Variants in ANKS1B observed in about 807,000 individuals in gnomAD.
The protein encoded by ANKS1B is ankyrin repeat and sterile alpha motif domain-containing protein 1B.
In ANKS1B, 36 loss-of-function variants were observed where a neutral mutation model predicts 148.3. The observed-to-expected ratio is 0.24, with a 90% CI of 0.19 to 0.32. The LOEUF (loss-of-function observed/expected upper bound fraction) is 0.32. Ranked by LOEUF, ANKS1B falls within the 10% of genes least tolerant of loss-of-function variation. The pLI is 1.00. For missense variants in ANKS1B, 1,157 were observed against 1,542.6 expected (o/e 0.75, Z 4.19); for synonymous variants, 542 against 560.8 (o/e 0.97, Z 0.47).
chr12:99,028,860 A>C (rs2099950359), intron 17 of ANKS1B, among the ~76,000 whole-genome samples: 1 of 152,184 alleles, frequency 6.6e-6, no homozygotes, highest in Non-Finnish European at 1.5e-5. Flanking sequence ...TATGAACTTC[A>C]ATGGTTTTTA....
chr12:99,862,527 TA>T, intron 1 of ANKS1B, among the ~76,000 whole-genome samples: 1 of 152,356 alleles, frequency 6.6e-6, no homozygotes, highest in South Asian at 2.1e-4. Flanking sequence ...GCAAGGCAAA[TA>T]TGTTCTTAAA....
chr12:99,678,114 A>G (rs1000749788), intron 8 of ANKS1B, among the ~76,000 whole-genome samples: 3 of 152,250 alleles, frequency 2.0e-5, no homozygotes, highest in Non-Finnish European at 4.4e-5. Context: ...AGACAACCAA[A>G]TAAGATAGAA....
intron 12 of ANKS1B, among the ~76,000 whole-genome samples, chr12:99,276,662 T>C (rs1238689004): frequency 2.0e-5 from 3 of 152,218 alleles, no homozygotes; most frequent in Non-Finnish European, 4.4e-5. Context: ...GTCTGTGATA[T>C]TTTGTTATGG....
At chr12:99,342,880 A>G (rs957769035) in intron 12 of ANKS1B, among the ~76,000 whole-genome samples, 1 of 152,120 alleles carries the variant, frequency 6.6e-6, no homozygotes, top group Non-Finnish European at 1.5e-5. Flanking sequence ...TTATGAATAA[A>G]GAAAAATCTT....
rs71436968 is a variant in ANKS1B, at chr12:99,850,281, G to GTCTCTCTC, written c.135-24900_135-24893dup. 3.3e-3 allele frequency among the ~76,000 whole-genome samples: 376 copies of GTCTCTCTC among 114,250 alleles called. 11 individuals carry two copies. The highest frequency in any genetic ancestry group is 0.01 in the East Asian group (48 of 4,580). The allele number at this position is 114,250 out of a possible 152,430, so 75.0% of individuals were successfully genotyped here. ...TTGAGAAAACAGCAGAAGCAAGAAAGTCTCTCTCTCTCTCTCTCTCTCTCT... is the reference window on the plus strand; with the variant it reads ...TTGAGAAAACAGCAGAAGCAAGAAAGTCTCTCTCTCTCTCTCTCTCTCTCTCTCTCTCT... On this transcript the variant is annotated intron_variant, in intron 1 of 26. Coordinates refer to ENST00000683438, the MANE Select transcript of ANKS1B (RefSeq NM_001352186.2).
intron 8 of ANKS1B, among the ~76,000 whole-genome samples, chr12:99,761,340 A>T (rs947326601): frequency 2.0e-5 from 3 of 151,918 alleles, no homozygotes; most frequent in African/African-American, 4.8e-5. Context: ...TGCATCAAAA[A>T]CTTACGACGA....
At chr12:99,596,628 A>G (rs1274661485) in intron 9 of ANKS1B, among the ~76,000 whole-genome samples, 1 of 151,976 alleles carries the variant, frequency 6.6e-6, no homozygotes, top group Non-Finnish European at 1.5e-5. Context: ...CTGTGATTCC[A>G]TAATTGTGAG....
chr12:99,482,223 AAC>A (rs919342840), intron 10 of ANKS1B, among the ~76,000 whole-genome samples: 2 of 151,928 alleles, frequency 1.3e-5, no homozygotes, highest in African/African-American at 4.8e-5. Flanking sequence ...AGAGATAGGG[AAC>A]CAGTTTCATT....
intron 8 of ANKS1B, among the ~76,000 whole-genome samples, chr12:99,665,147 A>G (rs1390100910): frequency 1.3e-5 from 2 of 152,202 alleles, no homozygotes; most frequent in Non-Finnish European, 2.9e-5. Context: ...CGAAAATGCT[A>G]GGTCACACGG....
intron 14 of ANKS1B, among the ~76,000 whole-genome samples, chr12:99,219,260 C>T (rs189307385): frequency 6.2e-4 from 94 of 152,292 alleles, no homozygotes; most frequent in East Asian, 9.7e-4. Context: ...AATTAGGTCT[C>T]TGGCCCTTTG....
intron 17 of ANKS1B, chr12:98,894,590 G>T (rs1446632225): frequency 1.0e-6 from 1 of 984,986 alleles, no homozygotes; most frequent in African/African-American, 1.7e-5. Flanking sequence ...CTCGGCGAGC[G>T]GGGGCCGCGG....
chr12:99,857,694 A>T (rs1316209156), intron 1 of ANKS1B, among the ~76,000 whole-genome samples: 1 of 152,102 alleles, frequency 6.6e-6, no homozygotes, highest in Admixed American at 6.5e-5. Context: ...TAGGTATATA[A>T]GCCAATGGAA....
chr12:99,581,123 T>C (rs1028472444), intron 9 of ANKS1B, among the ~76,000 whole-genome samples: 56 of 152,168 alleles, frequency 3.7e-4, no homozygotes, highest in African/African-American at 1.3e-3. Flanking sequence ...CAAAGAACAA[T>C]ATTGGGAAAT....
chr12:99,019,465 T>C (rs145989904), intron 17 of ANKS1B, among the ~76,000 whole-genome samples: 91 of 152,254 alleles, frequency 6.0e-4, no homozygotes, highest in African/African-American at 2.1e-3. Context: ...ATTCAAATGA[T>C]CAAAGCAAGT....
chr12:99,348,302 C>T (rs1258041242), intron 12 of ANKS1B, among the ~76,000 whole-genome samples: 1 of 151,804 alleles, frequency 6.6e-6, no homozygotes, highest in Admixed American at 6.6e-5. Context: ...AGTATTTCTA[C>T]ATTTTGGCTC....
intron 21 of ANKS1B, among the ~76,000 whole-genome samples, chr12:98,799,700 T>C (rs1047398487): frequency 6.6e-6 from 1 of 152,168 alleles, no homozygotes; most frequent in Admixed American, 6.5e-5. Context: ...TGTATCATCC[T>C]GGTACAAAAT....
At chr12:99,725,903 G>A (rs6538926) in intron 8 of ANKS1B, among the ~76,000 whole-genome samples, 66,306 of 151,900 alleles carry the variant, frequency 0.44, 14,870 homozygotes, top group South Asian at 0.61. Flanking sequence ...GGACTCCTGG[G>A]TAAATAATGA....
At chr12:99,554,181 CA>C (rs1219111815) in intron 9 of ANKS1B, among the ~76,000 whole-genome samples, 1 of 152,126 alleles carries the variant, frequency 6.6e-6, no homozygotes, top group Non-Finnish European at 1.5e-5. Flanking sequence ...GATCCAAATT[CA>C]ACTGCATGGA....
At chr12:99,714,897 T>C (rs2057100671) in intron 8 of ANKS1B, among the ~76,000 whole-genome samples, 1 of 151,326 alleles carries the variant, frequency 6.6e-6, no homozygotes, top group Non-Finnish European at 1.5e-5. Context: ...GGCAGACAGA[T>C]CACTTGAGCT....
Sources: gnomAD v4.1 joint callset for allele counts (sites outside exome capture counted in the v4.1 genomes callset) on GRCh38, gnomAD v4.1.1 for gene constraint, MANE v1.5 for transcripts, NCBI Gene and HGNC (gene_info 2026-07-23, HGNC 2026-07-21) for gene names.